Variants in SNX29 observed in about 807,000 individuals in gnomAD.
SNX29 encodes the protein sorting nexin-29.
Under a neutral mutation model 102.1 loss-of-function variants are expected in SNX29, and 78 were observed. The ratio of observed to expected loss-of-function variants is 0.76; its 90% CI spans 0.64 to 0.92. The LOEUF (loss-of-function observed/expected upper bound fraction) is 0.92. Among genes scored for constraint, SNX29 ranks in the 40% least tolerant of loss-of-function variants. The probability of loss-of-function intolerance (pLI) is 0.00; values close to 1 mark genes in which losing one functional copy is unlikely to be tolerated. For synonymous variants in SNX29, 580 were observed against 414.5 expected (o/e 1.40, Z -4.85); for missense variants, 1,280 against 1,061.7 (o/e 1.21, Z -2.86).
At chr16:12,310,456 G>A (rs2080501726) in intron 15 of SNX29, among the ~76,000 whole-genome samples, 1 of 151,984 alleles carries the variant, frequency 6.6e-6, no homozygotes, top group African/African-American at 2.4e-5. Context: ...GTGTCAAGGA[G>A]GAATGAACCA....
intron 18 of SNX29, among the ~76,000 whole-genome samples, chr16:12,411,053 C>T (rs529710448): frequency 2.0e-5 from 3 of 152,128 alleles, no homozygotes; most frequent in South Asian, 4.1e-4. Context: ...ATGGTTGGAC[C>T]GAGTACAGAA....
intron 4 of SNX29, among the ~76,000 whole-genome samples, chr16:12,028,439 C>G (rs1226923222): frequency 2.6e-5 from 4 of 151,878 alleles, no homozygotes; most frequent in African/African-American, 7.3e-5. Flanking sequence ...TCATGGCTCA[C>G]CAAAGCCTGG....
At chr16:12,476,693 G>A (rs1164727682) in intron 18 of SNX29, among the ~76,000 whole-genome samples, 7 of 151,516 alleles carry the variant, frequency 4.6e-5, no homozygotes, top group Admixed American at 4.0e-4. Context: ...CTATCCATTC[G>A]CTAATTGAAA....
intron 18 of SNX29, among the ~76,000 whole-genome samples, chr16:12,463,214 A>C (rs915772710): frequency 6.6e-6 from 1 of 152,212 alleles, no homozygotes; most frequent in Admixed American, 6.5e-5. Context: ...TCAAACCCAG[A>C]TGTGACAGCT....
chr16:12,554,273 G>C (rs1175433563), intron 20 of SNX29, among the ~76,000 whole-genome samples: 1 of 152,184 alleles, frequency 6.6e-6, no homozygotes, highest in Non-Finnish European at 1.5e-5. Flanking sequence ...GTGCATCTGT[G>C]TATACATGGG....
At chr16:12,180,776 C>A (rs899559458) in intron 13 of SNX29, among the ~76,000 whole-genome samples, 1 of 152,158 alleles carries the variant, frequency 6.6e-6, no homozygotes, top group Non-Finnish European at 1.5e-5. Context: ...TGAGCCACCT[C>A]GCCTGGCCCG....
intron 14 of SNX29, among the ~76,000 whole-genome samples, chr16:12,253,743 A>G (rs1032231856): frequency 6.6e-6 from 1 of 152,056 alleles, no homozygotes. Flanking sequence ...GCAGGTGGGA[A>G]TGAGAAGGGG....
chr16:12,548,710 T>G (rs1222858673), intron 20 of SNX29, among the ~76,000 whole-genome samples: 1 of 152,068 alleles, frequency 6.6e-6, no homozygotes, highest in Non-Finnish European at 1.5e-5. Context: ...ATTGTACTGG[T>G]GTAGGAGGGG....
chr16:12,286,550 T>G (rs762109544), intron 15 of SNX29, among the ~76,000 whole-genome samples: 55 of 151,676 alleles, frequency 3.6e-4, no homozygotes, highest in Non-Finnish European at 7.1e-4. Context: ...TTTCACCGTG[T>G]AAGCCAGGAT....
chr16:12,568,061 GGATT>G (rs1304319387), intron 20 of SNX29, among the ~76,000 whole-genome samples: 1 of 152,080 alleles, frequency 6.6e-6, no homozygotes, highest in Non-Finnish European at 1.5e-5. Flanking sequence ...TATTTTCTTA[GGATT>G]AATTCCACAG....
At chr16:12,198,828 C>T (rs1267318647) in intron 13 of SNX29, among the ~76,000 whole-genome samples, 3 of 152,232 alleles carry the variant, frequency 2.0e-5, no homozygotes, top group Non-Finnish European at 2.9e-5. Flanking sequence ...CATCTTTCCG[C>T]TGAATGACGG....
chr16:12,448,711 G>C (rs541933120), intron 18 of SNX29, among the ~76,000 whole-genome samples: 1 of 152,184 alleles, frequency 6.6e-6, no homozygotes, highest in Non-Finnish European at 1.5e-5. Flanking sequence ...TGGCTGCCCA[G>C]TGCTCAGAGA....
chr16:12,473,478 C>T (rs1368047615), intron 18 of SNX29, among the ~76,000 whole-genome samples: 2 of 152,126 alleles, frequency 1.3e-5, no homozygotes, highest in South Asian at 2.1e-4. Flanking sequence ...ACATTGCTGG[C>T]CTGGGGTTCC....
intron 18 of SNX29, among the ~76,000 whole-genome samples, chr16:12,437,362 C>T (rs1382336591): frequency 6.6e-6 from 1 of 152,216 alleles, no homozygotes; most frequent in Non-Finnish European, 1.5e-5. Context: ...GAGGCCCTGC[C>T]CACCGCATTC....
chr16:12,442,226 C>G (rs1322803414), intron 18 of SNX29, among the ~76,000 whole-genome samples: 1 of 152,200 alleles, frequency 6.6e-6, no homozygotes, highest in African/African-American at 2.4e-5. Flanking sequence ...AACAAGTTGA[C>G]TATAGATGAA....
intron 20 of SNX29, among the ~76,000 whole-genome samples, chr16:12,549,467 C>A (rs566306543): frequency 6.7e-6 from 1 of 148,362 alleles, no homozygotes; most frequent in East Asian, 2.2e-4. Context: ...TGAACTCCAG[C>A]GTGGGCAACA....
At chr16:12,049,208 G>A (rs548505146) in intron 7 of SNX29, among the ~76,000 whole-genome samples, 2 of 152,198 alleles carry the variant, frequency 1.3e-5, no homozygotes, top group Non-Finnish European at 2.9e-5. Context: ...GTTGATTCAG[G>A]CCGGTCGTGG....
chr16:12,283,765 G>A (rs1266676083), intron 15 of SNX29, among the ~76,000 whole-genome samples: 1 of 152,222 alleles, frequency 6.6e-6, no homozygotes, highest in Non-Finnish European at 1.5e-5. Flanking sequence ...AGACGTGCCT[G>A]TTCTAATTGT....
chr16:12,042,779 C>T, intron 4 of SNX29, 118 bp from the exon 5 acceptor site: 1 of 1,037,414 alleles, frequency 9.6e-7, no homozygotes, highest in South Asian at 1.7e-5. Context: ...CCTACCTTTT[C>T]CATGCTAAGG....
Sources: allele counts gnomAD v4.1 joint callset (sites outside exome capture counted in the v4.1 genomes callset), GRCh38; gene constraint gnomAD v4.1.1; transcripts MANE v1.5; gene names NCBI Gene and HGNC (gene_info 2026-07-23, HGNC 2026-07-21).